The following LRRC4C variants were observed in gnomAD, a reference collection of about 807,000 sequenced individuals.
The protein encoded by LRRC4C is leucine-rich repeat-containing protein 4C.
LRRC4C carries 5 observed loss-of-function variants against 33.6 expected under a neutral mutation model. The ratio of observed to expected loss-of-function variants is 0.15; its 90% CI spans 0.08 to 0.31. The LOEUF is 0.31. Among genes scored for constraint, LRRC4C ranks in the 10% least tolerant of loss-of-function variants. The pLI is 1.00. For synonymous variants in LRRC4C, 329 were observed against 302.0 expected (o/e 1.09, Z -0.93); for missense variants, 560 against 796.7 (o/e 0.70, Z 3.58).
chr11:41,397,344 C>T (rs564493624), intron 1 of LRRC4C, among the ~76,000 whole-genome samples: 3 of 152,040 alleles, frequency 2.0e-5, no homozygotes, highest in African/African-American at 7.2e-5. Flanking sequence ...CCTCCTCAGC[C>T]TGCTCAATGA....
chr11:40,155,102 G>A (rs1356877365), intron 5 of LRRC4C, among the ~76,000 whole-genome samples: 1 of 152,122 alleles, frequency 6.6e-6, no homozygotes, highest in African/African-American at 2.4e-5. Flanking sequence ...ACCTGCTCCT[G>A]AATGGGCACT....
At chr11:41,247,012 G>A (rs1948476792) in intron 1 of LRRC4C, among the ~76,000 whole-genome samples, 1 of 152,220 alleles carries the variant, frequency 6.6e-6, no homozygotes, top group Non-Finnish European at 1.5e-5. Flanking sequence ...CCGGGTGAAG[G>A]TAGGTCACCC....
At chr11:40,190,334 C>A (rs1861732160) in intron 5 of LRRC4C, among the ~76,000 whole-genome samples, 1 of 152,090 alleles carries the variant, frequency 6.6e-6, no homozygotes, top group African/African-American at 2.4e-5. Flanking sequence ...AAATAAAATT[C>A]TTAGGGTGCC....
At chr11:41,028,159 T>C (rs1856499673) in intron 1 of LRRC4C, among the ~76,000 whole-genome samples, 1 of 151,274 alleles carries the variant, frequency 6.6e-6, no homozygotes, top group Non-Finnish European at 1.5e-5. Flanking sequence ...GGAAGGATCA[T>C]CCATTTTTTT....
intron 1 of LRRC4C, among the ~76,000 whole-genome samples, chr11:41,358,815 A>T (rs1404947171): frequency 2.0e-5 from 3 of 152,176 alleles, no homozygotes; most frequent in Admixed American, 2.0e-4. Context: ...AATTTGGTGG[A>T]TTCTGACAAA....
intron 2 of LRRC4C, among the ~76,000 whole-genome samples, chr11:40,773,549 T>C (rs1429660205): frequency 1.3e-5 from 2 of 151,620 alleles, no homozygotes; most frequent in African/African-American, 4.8e-5. Context: ...ATTCAAAATA[T>C]CCAAATTGAA....
chr11:40,509,362 A>G (rs1955192037), intron 3 of LRRC4C, among the ~76,000 whole-genome samples: 1 of 152,156 alleles, frequency 6.6e-6, no homozygotes, highest in South Asian at 2.1e-4. Context: ...TTTAAATGGT[A>G]AGATCATGGA....
At chr11:40,437,833 G>C (rs555428686) in intron 3 of LRRC4C, among the ~76,000 whole-genome samples, 1 of 152,036 alleles carries the variant, frequency 6.6e-6, no homozygotes, top group Non-Finnish European at 1.5e-5. Flanking sequence ...TCAGCCTCCC[G>C]AGTAGCTGGG....
At chr11:40,608,015 T>C (rs990741139) in intron 3 of LRRC4C, among the ~76,000 whole-genome samples, 2 of 152,122 alleles carry the variant, frequency 1.3e-5, no homozygotes, top group African/African-American at 4.8e-5. Flanking sequence ...CCTTTCCCAT[T>C]TCAAAGTGAA....
chr11:41,445,823 A>G (rs1045421698), intron 1 of LRRC4C, among the ~76,000 whole-genome samples: 3 of 151,478 alleles, frequency 2.0e-5, no homozygotes, highest in Admixed American at 6.6e-5. Context: ...TGAAGATCCA[A>G]GCAGGAAGAG....
chr11:41,373,484 G>T (rs1177029851), intron 1 of LRRC4C, among the ~76,000 whole-genome samples: 3 of 152,068 alleles, frequency 2.0e-5, no homozygotes. Context: ...CTGGATCAAG[G>T]ATATATAAAT....
At chr11:41,205,907 G>A (rs1178302359) in intron 1 of LRRC4C, among the ~76,000 whole-genome samples, 1 of 151,976 alleles carries the variant, frequency 6.6e-6, no homozygotes, top group East Asian at 1.9e-4. Flanking sequence ...AGTTAGCACT[G>A]GAAACACTAA....
intron 2 of LRRC4C, among the ~76,000 whole-genome samples, chr11:40,717,931 G>T (rs961479575): frequency 6.6e-6 from 1 of 152,118 alleles, no homozygotes; most frequent in East Asian, 1.9e-4. Flanking sequence ...TACTCTGTTT[G>T]CTATAACTGA....
At chr11:40,523,808 C>G (rs1045662277) in intron 3 of LRRC4C, among the ~76,000 whole-genome samples, 2 of 152,040 alleles carry the variant, frequency 1.3e-5, no homozygotes, top group African/African-American at 4.8e-5. Context: ...ACATCCATTA[C>G]TTGTTTGGTT....
chr11:40,626,320 G>A (rs1962921891), intron 3 of LRRC4C, among the ~76,000 whole-genome samples: 1 of 151,944 alleles, frequency 6.6e-6, no homozygotes, highest in South Asian at 2.1e-4. Context: ...TCAACCCCAA[G>A]ACCCTTATTG....
At chr11:40,308,151 T>C (rs1204695110) in intron 4 of LRRC4C, among the ~76,000 whole-genome samples, 2 of 152,062 alleles carry the variant, frequency 1.3e-5, no homozygotes, top group East Asian at 1.9e-4. Context: ...GAACCTTTTT[T>C]CCCCCCATCT....
intron 3 of LRRC4C, among the ~76,000 whole-genome samples, chr11:40,440,661 A>G (rs1318975681): frequency 6.6e-6 from 1 of 152,208 alleles, no homozygotes. Context: ...TTATTTATTC[A>G]TACAAGGTAA....
chr11:40,338,396 A>T (rs1021150038), intron 3 of LRRC4C, among the ~76,000 whole-genome samples: 1 of 152,236 alleles, frequency 6.6e-6, no homozygotes, highest in Non-Finnish European at 1.5e-5. Context: ...TTAAAATAAT[A>T]TTTGGAGTAT....
At chr11:41,159,344 G>A (rs1039039759) in intron 1 of LRRC4C, among the ~76,000 whole-genome samples, 4 of 151,878 alleles carry the variant, frequency 2.6e-5, no homozygotes, top group African/African-American at 9.7e-5. Flanking sequence ...AAACTCAATA[G>A]CTAGGCTGGA....
Sources: gnomAD v4.1 joint callset for allele counts (sites outside exome capture counted in the v4.1 genomes callset) on GRCh38, gnomAD v4.1.1 for gene constraint, MANE v1.5 for transcripts, NCBI Gene and HGNC (gene_info 2026-07-23, HGNC 2026-07-21) for gene names.